ACAD11: variants seen among roughly 807,000 people sequenced by gnomAD.
ACAD11 encodes acyl-Coenzyme A dehydrogenase family, member 11.
ACAD11 carries 83 observed loss-of-function variants against 102.2 expected under a neutral mutation model. That is an observed-to-expected ratio of 0.81 (90% CI 0.68 to 0.97). The LOEUF (loss-of-function observed/expected upper bound fraction) is 0.97, where lower values mean the gene tolerates loss of function less well. Among genes scored for constraint, ACAD11 ranks in the 50% least tolerant of loss-of-function variants. ACAD11 has a pLI of 0.00. For missense variants in ACAD11, 901 were observed against 951.7 expected (o/e 0.95, Z 0.70); for synonymous variants, 324 against 319.8 (o/e 1.01, Z -0.14).
intron 16 of ACAD11, among the ~76,000 whole-genome samples, chr3:132,576,166 T>C (rs1434216867): frequency 6.6e-6 from 1 of 152,256 alleles, no homozygotes; most frequent in Non-Finnish European, 1.5e-5. Context: ...GTATGTACTA[T>C]GCATAAGCTA....
chr3:132,602,360 T>C (rs570966128), intron 13 of ACAD11: 38 of 167,186 alleles, frequency 2.3e-4, no homozygotes, highest in African/African-American at 8.9e-4. Context: ...CCTCAGACTA[T>C]CATTTTCATC....
Position 132,559,104 on chromosome 3 carries a change from CAG to C in ACAD11, c.2229-21_2229-20del. On this transcript the variant is annotated intron_variant, in intron 19 of 19. Transcript: ENST00000264990. ...AGCATACCTGAAAAAGCAAAAGAAT[CAG>C]GGAACACAGGGAGTTATGGAAGAGG... is the stretch of plus-strand genomic sequence containing the variant. The C allele has an allele frequency of 2.0e-6, 3 of 1,515,938 alleles. No homozygotes were observed. The highest frequency in any genetic ancestry group is 2.8e-6 in the Non-Finnish European group (3 of 1,090,892). The allele number at this position is 1,515,938 out of a possible 1,614,324, so 93.9% of individuals were successfully genotyped here. A position where few individuals can be genotyped will look rare whatever the true frequency, so the allele number is the denominator to read the frequency against.
chr3:132,624,937 G>A (rs1157475150), intron 9 of ACAD11, among the ~76,000 whole-genome samples: 2 of 152,026 alleles, frequency 1.3e-5, no homozygotes, highest in African/African-American at 2.4e-5. Flanking sequence ...CACCAACCTC[G>A]CCCTCCCACA....
At chr3:132,614,375 T>A (rs548661577) in intron 11 of ACAD11, among the ~76,000 whole-genome samples, 15 of 152,274 alleles carry the variant, frequency 9.9e-5, no homozygotes, top group African/African-American at 3.4e-4. Context: ...AAGACAATCC[T>A]AAGCAAAAAG....
intron 16 of ACAD11, among the ~76,000 whole-genome samples, chr3:132,576,331 C>T (rs184388291): frequency 6.6e-6 from 1 of 152,192 alleles, no homozygotes; most frequent in East Asian, 1.9e-4. Context: ...AACCTCAGGG[C>T]CTGGCAGGTA....
chr3:132,576,975 T>C lies in ACAD11; in HGVS notation c.1815A>G (p.Gln605=), dbSNP rs770419956. The change falls in exon 16 of 20, where the codon CAA becomes CAG. Residue 605 remains glutamine (Q), a synonymous_variant. Coordinates refer to ENST00000264990, the MANE Select transcript of ACAD11 (RefSeq NM_032169.5). The stretch of plus-strand genomic sequence containing the variant: ...TTAGATTTGTGGCAGGAACTCGCAC[T>C]TGATTAAAATGGATCTCAAAATGTC... ...HGGHFEIHFN[Q]VRVPATNLIL... 2.8e-5 allele frequency: 45 copies of C among 1,611,122 alleles called. No individual in the cohort carries two copies. The highest frequency in any genetic ancestry group is 1.7e-4 in the Middle Eastern group (1 of 6,026).
chr3:132,614,582 T>G (rs1445430562), intron 11 of ACAD11, among the ~76,000 whole-genome samples: 1 of 152,140 alleles, frequency 6.6e-6, no homozygotes. Context: ...GGGAAGGATT[T>G]CCTATTTAAT....
rs748464266 is a variant in ACAD11, at chr3:132,626,851, A to C, written c.1071-34T>G. The C allele has an allele frequency of 4.4e-6, 7 of 1,583,300 alleles. No homozygotes were observed. In the African/African-American group the frequency reaches 9.6e-5, roughly 22 times the overall value. Reference sequence around the variant, plus strand: ...AAAGAAAAAAGGAAAAAAAGGTTACAAAGATGTCCAAAGATCATTATTACA... The same window carrying C: ...AAAGAAAAAAGGAAAAAAAGGTTACCAAGATGTCCAAAGATCATTATTACA... On this transcript the variant is annotated intron_variant, in intron 8 of 19. Transcript: ENST00000264990.
At chr3:132,576,355 G>A (rs948033515) in intron 16 of ACAD11, among the ~76,000 whole-genome samples, 2 of 152,156 alleles carry the variant, frequency 1.3e-5, no homozygotes, top group African/African-American at 4.8e-5. Flanking sequence ...GGGGCCTGGT[G>A]AATGGATGGG....
At chr3:132,584,681 T>C (rs1270692868) in intron 13 of ACAD11, among the ~76,000 whole-genome samples, 1 of 152,228 alleles carries the variant, frequency 6.6e-6, no homozygotes, top group Non-Finnish European at 1.5e-5. Context: ...TTGGCATGTT[T>C]TTGCAGTGGC....
intron 11 of ACAD11, 51 bp from the exon 12 acceptor site, chr3:132,605,256 G>A: frequency 7.3e-7 from 1 of 1,363,208 alleles, no homozygotes; most frequent in Non-Finnish European, 1.0e-6. Context: ...TTATCAGTAT[G>A]AAATCCACAA....
chr3:132,623,421 A>G (rs1313401736), intron 9 of ACAD11, among the ~76,000 whole-genome samples: 1 of 152,176 alleles, frequency 6.6e-6, no homozygotes, highest in Non-Finnish European at 1.5e-5. Flanking sequence ...ATAATCTCCA[A>G]ATAACATCCT....
chr3:132,641,474 G>A (rs1026876381), intron 4 of ACAD11, among the ~76,000 whole-genome samples: 1 of 151,984 alleles, frequency 6.6e-6, no homozygotes, highest in South Asian at 2.1e-4. Context: ...AACCTGGGAG[G>A]TGGAGCTTGC....
chr3:132,650,682 G>T (rs1259369021), intron 1 of ACAD11, among the ~76,000 whole-genome samples: 1 of 152,036 alleles, frequency 6.6e-6, no homozygotes, highest in African/African-American at 2.4e-5. Context: ...AAGAAAAACA[G>T]TGAGTCCAGA....
At chr3:132,643,983 T>C (rs1296323629) in intron 2 of ACAD11, among the ~76,000 whole-genome samples, 1 of 152,152 alleles carries the variant, frequency 6.6e-6, no homozygotes, top group Non-Finnish European at 1.5e-5. Flanking sequence ...CCTTCAGCCA[T>C]ACTATATCGA....
rs545157357 is a variant in ACAD11, at chr3:132,639,630, T to C, written c.564A>G (p.Gln188=). ...CAGGGATGTCCTGATGAGCTGCAGCTTGATATTGCTTTGTCCAGGTTGATA... is the reference window on the plus strand; with the variant it reads ...CAGGGATGTCCTGATGAGCTGCAGCCTGATATTGCTTTGTCCAGGTTGATA... ...RQVSTWTKQY[Q]AAAHQDIPAM... Residue 188 remains glutamine (Q), a synonymous_variant, in exon 5 of 20, where the codon CAA becomes CAG. Transcript: ENST00000264990. 4.3e-6 allele frequency: 7 copies of C among 1,613,592 alleles called. No individual in the cohort carries two copies. The African/African-American group carries it at 8.0e-5, about 18-fold the overall frequency.
At chr3:132,564,269 C>T (rs903321412) in intron 17 of ACAD11, among the ~76,000 whole-genome samples, 5 of 152,114 alleles carry the variant, frequency 3.3e-5, no homozygotes, top group African/African-American at 1.2e-4. Flanking sequence ...TAGGATGATT[C>T]TGGCCTCATA....
chr3:132,616,426 GA>G (rs1939412519), intron 11 of ACAD11, among the ~76,000 whole-genome samples: 1 of 152,130 alleles, frequency 6.6e-6, no homozygotes, highest in African/African-American at 2.4e-5. Context: ...AGTGCATCAT[GA>G]AATCAACTTA....
At chr3:132,574,900 T>C (rs934859595) in intron 17 of ACAD11, among the ~76,000 whole-genome samples, 1 of 152,218 alleles carries the variant, frequency 6.6e-6, no homozygotes, top group Non-Finnish European at 1.5e-5. Flanking sequence ...AGTGGCACGA[T>C]CTTGGCTGAA....
Sources: gnomAD v4.1 joint callset for allele counts (sites outside exome capture counted in the v4.1 genomes callset) on GRCh38, gnomAD v4.1.1 for gene constraint, MANE v1.5 for transcripts, NCBI Gene and HGNC (gene_info 2026-07-23, HGNC 2026-07-21) for gene names.